The following STK33 variants were observed in gnomAD, a reference collection of about 807,000 sequenced individuals.
STK33 encodes serine/threonine kinase 33, also known as serine/threonine-protein kinase 33.
In STK33, 52 loss-of-function variants were observed where a neutral mutation model predicts 58.0. That is an observed-to-expected ratio of 0.90 (90% CI 0.72 to 1.13). The LOEUF is 1.13. Among genes scored for constraint, STK33 ranks in the 50% most tolerant of loss-of-function variants. The pLI is 0.00. For missense variants in STK33, 630 were observed against 604.2 expected (o/e 1.04, Z -0.45); for synonymous variants, 215 against 200.1 (o/e 1.07, Z -0.63).
intron 1 of STK33, among the ~76,000 whole-genome samples, chr11:8,561,260 T>TTA (rs1315162328): frequency 6.6e-6 from 1 of 152,142 alleles, no homozygotes; most frequent in Non-Finnish European, 1.5e-5. Context: ...AGAATATTGG[T>TTA]TGTTATCTTT....
intron 11 of STK33, among the ~76,000 whole-genome samples, chr11:8,452,421 T>C (rs1428829156): frequency 1.3e-5 from 2 of 152,046 alleles, no homozygotes; most frequent in Non-Finnish European, 1.5e-5. Context: ...AAATCATGGG[T>C]CATTATGTCA....
chr11:8,434,531 C>A (rs1304075125), intron 14 of STK33, among the ~76,000 whole-genome samples: 1 of 152,154 alleles, frequency 6.6e-6, no homozygotes, highest in East Asian at 1.9e-4. Context: ...TCCAGCTGCA[C>A]ACTATATCGT....
At chr11:8,559,280 C>A (rs1459602868) in intron 1 of STK33, among the ~76,000 whole-genome samples, 1 of 152,156 alleles carries the variant, frequency 6.6e-6, no homozygotes, top group Non-Finnish European at 1.5e-5. Flanking sequence ...ATTATGACAA[C>A]CAAAGCACAA....
chr11:8,374,009 C>CG, the STK33 span, among the ~76,000 whole-genome samples: 1 of 152,234 alleles, frequency 6.6e-6, no homozygotes, highest in Admixed American at 6.5e-5. Flanking sequence ...CTTACTGATA[C>CG]CCAATTATGT....
rs150107725 is a variant in STK33 at position 8,509,741 on chromosome 11, T to C, written c.-465-29127A>G. ...ATCCTCATAGTTTAGCTCCCACTTA[T>C]AAGTGAGAACATATGATAGTTGGTT... On this transcript the variant is annotated intron_variant, in intron 1 of 15. Transcript: ENST00000687296. 6.5e-3 allele frequency among the ~76,000 whole-genome samples: 991 copies of C among 152,302 alleles called. 11 individuals carry two copies. Among genetic ancestry groups the C allele is most frequent in the African/African-American group, 0.022 (900 of 41,576 alleles).
intron 7 of STK33, among the ~76,000 whole-genome samples, chr11:8,463,972 T>C (rs1414989020): frequency 6.6e-6 from 1 of 152,234 alleles, no homozygotes; most frequent in Non-Finnish European, 1.5e-5. Flanking sequence ...GGACAAATGG[T>C]ATGTAATTTG....
intron 1 of STK33, among the ~76,000 whole-genome samples, chr11:8,516,069 T>C (rs763954806): frequency 5.3e-5 from 8 of 152,138 alleles, no homozygotes; most frequent in Non-Finnish European, 8.8e-5. Context: ...ATCCTAAAAT[T>C]CACATGCAAC....
intron 11 of STK33, among the ~76,000 whole-genome samples, chr11:8,441,357 A>ATT (rs543746826): frequency 2.1e-5 from 3 of 144,814 alleles, no homozygotes; most frequent in African/African-American, 7.6e-5. Flanking sequence ...GTGTGTGTGT[A>ATT]TTTTTTTTTT....
intron 1 of STK33, among the ~76,000 whole-genome samples, chr11:8,486,161 CTCTT>C (rs1165572101): frequency 1.3e-5 from 2 of 152,172 alleles, no homozygotes; most frequent in African/African-American, 4.8e-5. Flanking sequence ...AGCCAGAATA[CTCTT>C]TCTAATATGC....
chr11:8,451,575 G>A (rs1327255232), intron 11 of STK33, among the ~76,000 whole-genome samples: 1 of 152,148 alleles, frequency 6.6e-6, no homozygotes, highest in East Asian at 1.9e-4. Context: ...GGCAAATCTA[G>A]AGAGATTAGT....
At chr11:8,444,365 G>C (rs1945141902) in intron 11 of STK33, among the ~76,000 whole-genome samples, 1 of 151,658 alleles carries the variant, frequency 6.6e-6, no homozygotes, top group South Asian at 2.1e-4. Context: ...TCAGCACTTT[G>C]CTCTAAAACA....
chr11:8,396,577 T>C (rs1052896205), intron 15 of STK33, among the ~76,000 whole-genome samples: 3 of 152,194 alleles, frequency 2.0e-5, no homozygotes, highest in African/African-American at 7.2e-5. Flanking sequence ...GATTTCTGCA[T>C]TTCCAACTGA....
At chr11:8,531,830 C>T (rs1184243301) in intron 1 of STK33, among the ~76,000 whole-genome samples, 1 of 152,002 alleles carries the variant, frequency 6.6e-6, no homozygotes, top group East Asian at 1.9e-4. Flanking sequence ...AAAAATTTTG[C>T]AGAAATGTTT....
chr11:8,502,667 A>G (rs926262533), intron 1 of STK33, among the ~76,000 whole-genome samples: 10 of 152,114 alleles, frequency 6.6e-5, no homozygotes, highest in African/African-American at 2.2e-4. Context: ...TGCACAGAGG[A>G]AAAAAAGAAA....
the STK33 span, among the ~76,000 whole-genome samples, chr11:8,361,289 G>A: frequency 6.6e-6 from 1 of 152,150 alleles, no homozygotes; most frequent in South Asian, 2.1e-4. This position sits in a 1 kb window ranked among gnomAD's most constrained non-coding sequence, Gnocchi z 4.8. Context: ...CAACCACCCA[G>A]GTCTCAGAGA....
At chr11:8,506,581 T>A (rs570874203) in intron 1 of STK33, among the ~76,000 whole-genome samples, 35 of 152,072 alleles carry the variant, frequency 2.3e-4, no homozygotes, top group East Asian at 9.7e-4. Context: ...TTTTAAGGAC[T>A]CGTGTGATTA....
chr11:8,480,725 G>C (rs752223160), intron 1 of STK33, 111 bp from the exon 2 acceptor site: 1 of 152,176 alleles, frequency 6.6e-6, no homozygotes, highest in African/African-American at 2.4e-5. Context: ...GAGCAAGGGG[G>C]CCCACATGTA....
intron 14 of STK33, among the ~76,000 whole-genome samples, chr11:8,414,731 T>C (rs1940865002): frequency 6.6e-6 from 1 of 152,166 alleles, no homozygotes; most frequent in Non-Finnish European, 1.5e-5. Flanking sequence ...TGTCCCCTTG[T>C]TTTAAGAAGC....
At chr11:8,354,221 G>C in the STK33 span, among the ~76,000 whole-genome samples, 1 of 152,018 alleles carries the variant, frequency 6.6e-6, no homozygotes, top group African/African-American at 2.4e-5. Context: ...GGTGGCATCA[G>C]TTAGGAGAAA....
Sources: allele counts gnomAD v4.1 joint callset (sites outside exome capture counted in the v4.1 genomes callset), GRCh38; gene constraint gnomAD v4.1.1; non-coding constraint Gnocchi (gnomAD v3.1); transcripts MANE v1.5; gene names NCBI Gene and HGNC (gene_info 2026-07-23, HGNC 2026-07-21).